Variants in MOB4 observed in about 807,000 individuals in gnomAD.
MOB4 encodes MOB family member 4, phocein, also known as MOB-like protein phocein.
Under a neutral mutation model 32.2 loss-of-function variants are expected in MOB4, and 4 were observed. That is an observed-to-expected ratio of 0.12 (90% confidence interval 0.06 to 0.28). MOB4 has a LOEUF of 0.28. MOB4 is among the 10% of genes least tolerant of loss of function. The pLI is 1.00. For missense variants in MOB4, 158 were observed against 271.2 expected (o/e 0.58, Z 2.93); for synonymous variants, 88 against 88.1 (o/e 1.00, Z 0.01).
chr2:197,524,489 T>C (rs1274155582), intron 2 of MOB4, among the ~76,000 whole-genome samples: 1 of 141,750 alleles, frequency 7.1e-6, no homozygotes, highest in African/African-American at 2.7e-5. Context: ...GCCAAGATCA[T>C]GCCACTGCAC....
intron 2 of MOB4, among the ~76,000 whole-genome samples, chr2:197,529,138 CAGCTAA>C (rs1429077265): frequency 6.6e-6 from 1 of 151,746 alleles, no homozygotes; most frequent in Non-Finnish European, 1.5e-5. Context: ...CCACCACCCC[CAGCTAA>C]TTTTTGTGTT....
At chr2:197,531,217 T>G (rs1282226809) in intron 2 of MOB4, among the ~76,000 whole-genome samples, 1 of 151,968 alleles carries the variant, frequency 6.6e-6, no homozygotes, top group Non-Finnish European at 1.5e-5. Flanking sequence ...CCGGCTATTT[T>G]GTATTTTTAG....
intron 6 of MOB4, 100 bp from the exon 7 acceptor site, chr2:197,550,175 C>A: frequency 9.1e-7 from 1 of 1,098,936 alleles, no homozygotes; most frequent in Non-Finnish European, 1.3e-6. Context: ...CTTATTTTCC[C>A]TAGGTGTCAG....
chr2:197,534,183 G>C (rs901443954), intron 2 of MOB4, among the ~76,000 whole-genome samples: 1 of 152,200 alleles, frequency 6.6e-6, no homozygotes, highest in African/African-American at 2.4e-5. Flanking sequence ...GAGTAAGCAA[G>C]TGATATTCAA....
intron 1 of MOB4, among the ~76,000 whole-genome samples, chr2:197,522,411 G>T (rs1027785555): frequency 3.0e-5 from 4 of 135,500 alleles, no homozygotes; most frequent in Non-Finnish European, 4.6e-5. Flanking sequence ...AGTCACCACA[G>T]CTTCCGCCTC....
At chr2:197,515,979 A>G (rs537609241), upstream of MOB4, 28 of 1,184,810 alleles carry the variant, frequency 2.4e-5, no homozygotes, top group East Asian at 7.7e-4. Context: ...CTGTTCCGTC[A>G]GCTGCCGCTC....
chr2:197,516,704 G>A (rs1163513208), intron 1 of MOB4: 12 of 471,562 alleles, frequency 2.5e-5, no homozygotes. Context: ...GCTTTCCCTG[G>A]AGCTGTTCTC....
At chr2:197,516,588 A>C (rs1243565650) in intron 1 of MOB4, 1 of 480,166 alleles carries the variant, frequency 2.1e-6, no homozygotes. Context: ...TCCAGTTCCT[A>C]CCTGGCCTGG....
rs2106142209 is a variant in MOB4 at position 197,550,726 on chromosome 2, T to C, written c.*80T>C. On this transcript the variant is annotated 3_prime_UTR_variant, in exon 8 of 8. Coordinates refer to ENST00000323303, the MANE Select transcript of MOB4 (RefSeq NM_015387.5). ...TATCATTTTAGACACATCAATCATG[T>C]ATCCATATTATAGCTTCTTTGTTTA... 7.0e-7 allele frequency: 1 copy of C among 1,434,520 alleles called. No individual in the cohort carries two copies. The allele number at this position is 1,434,520 out of a possible 1,614,324, so 88.9% of individuals were successfully genotyped here. A position where few individuals can be genotyped will look rare whatever the true frequency, so the allele number is the denominator to read the frequency against.
chr2:197,519,307 G>T (rs963162010), intron 1 of MOB4, among the ~76,000 whole-genome samples: 1 of 152,236 alleles, frequency 6.6e-6, no homozygotes, highest in Non-Finnish European at 1.5e-5. Flanking sequence ...GTTATGAGAA[G>T]GCGAAACATT....
chr2:197,527,064 A>G (rs2086622804), intron 2 of MOB4, among the ~76,000 whole-genome samples: 1 of 152,152 alleles, frequency 6.6e-6, no homozygotes, highest in African/African-American at 2.4e-5. Context: ...GGCATGAGCC[A>G]CCATGCTCTG....
In MOB4 at chr2:197,537,442, A is replaced by C. The variant is rs550948193; in HGVS notation, c.224+1812A>C. Among the ~76,000 whole-genome samples the C allele has an allele frequency of 2.6e-5, 4 of 152,304 alleles. No individual in the cohort carries two copies. The East Asian group carries it at 7.7e-4, about 29-fold the overall frequency. On this transcript the variant is annotated intron_variant, in intron 3 of 7. Coordinates refer to ENST00000323303, the MANE Select transcript of MOB4 (RefSeq NM_015387.5). ...TGACTTTTCCTGAATAAATTAGACCATGTTTCCTGTGTTGTGTGCCTCAAC... is the reference window on the plus strand; with the variant it reads ...TGACTTTTCCTGAATAAATTAGACCCTGTTTCCTGTGTTGTGTGCCTCAAC...
In MOB4 at chr2:197,537,574, T is replaced by A. The variant is rs181593231; in HGVS notation, c.224+1944T>A. Among the ~76,000 whole-genome samples the A allele has an allele frequency of 3.3e-5, 5 of 152,370 alleles. No individual in the cohort carries two copies. The East Asian group carries it at 9.6e-4, about 29-fold the overall frequency. On this transcript the variant is annotated intron_variant, in intron 3 of 7. Transcript: ENST00000323303. ...TCATAACAGTTCAGCAATTTCAGGA[T>A]GCTAAGACTTCTTTGTATCCTTTGC... is the stretch of plus-strand genomic sequence containing the variant.
chr2:197,535,691 A>G (rs559039956), intron 3 of MOB4, 61 bp downstream of exon 3: 27 of 1,534,288 alleles, frequency 1.8e-5, no homozygotes, highest in Non-Finnish European at 2.2e-5. Flanking sequence ...CATATTAATG[A>G]TAATTATGAA....
intron 1 of MOB4, among the ~76,000 whole-genome samples, chr2:197,520,891 CTT>C (rs1273735286): frequency 2.9e-5 from 3 of 104,578 alleles, no homozygotes; most frequent in Admixed American, 1.2e-4. Context: ...GACCTCGTCT[CTT>C]AAAAAAAAAA....
At chr2:197,517,511 T>C (rs1419342549) in intron 1 of MOB4, among the ~76,000 whole-genome samples, 2 of 152,234 alleles carry the variant, frequency 1.3e-5, no homozygotes, top group African/African-American at 2.4e-5. Context: ...AGTAGACTTT[T>C]CTGTTCATAT....
At chr2:197,524,766 A>G (rs548973078) in intron 2 of MOB4, among the ~76,000 whole-genome samples, 1 of 149,718 alleles carries the variant, frequency 6.7e-6, no homozygotes, top group South Asian at 2.1e-4. Flanking sequence ...AGTATGAGTC[A>G]CTGCACCTGT....
chr2:197,540,445 T>G lies in MOB4; in HGVS notation c.354+8T>G. The G allele has an allele frequency of 6.4e-7, 1 of 1,567,736 alleles. No individual in the cohort carries two copies. The highest frequency in any genetic ancestry group is 8.6e-7 in the Non-Finnish European group (1 of 1,164,602). ...CATAAAACTCCAAAAGAGGTGAGGA[T>G]TTATGAAATAGAGTAACTAATAAAA... On this transcript the variant is annotated splice_region_variant and intron_variant, in intron 5 of 7. Transcript: ENST00000323303.
At chr2:197,534,499 C>T (rs1214876882) in intron 2 of MOB4, among the ~76,000 whole-genome samples, 3 of 152,038 alleles carry the variant, frequency 2.0e-5, no homozygotes, top group Non-Finnish European at 4.4e-5. Context: ...ATTATATTCA[C>T]AGGGTTGCAC....
Sources: gnomAD v4.1 joint callset for allele counts (sites outside exome capture counted in the v4.1 genomes callset) on GRCh38, gnomAD v4.1.1 for gene constraint, MANE v1.5 for transcripts, NCBI Gene and HGNC (gene_info 2026-07-23, HGNC 2026-07-21) for gene names.